The following RNF213 variants were observed in gnomAD, a reference collection of about 807,000 sequenced individuals.
The protein encoded by RNF213 is E3 ubiquitin-protein ligase RNF213.
In RNF213, 341 loss-of-function variants were observed where a neutral mutation model predicts 514.4. That is an observed-to-expected ratio of 0.66 (90% confidence interval 0.61 to 0.73). RNF213 has a LOEUF of 0.73. Among genes scored for constraint, RNF213 ranks in the 30% least tolerant of loss-of-function variants. RNF213 has a pLI of 0.00. For missense variants in RNF213, 5,767 were observed against 6,615.6 expected (o/e 0.87, Z 4.45); for synonymous variants, 2,655 against 2,658.2 (o/e 1.00, Z 0.04).
intron 59 of RNF213, chr17:80,384,735 C>T (rs2080164756): frequency 1.9e-5 from 8 of 425,650 alleles, no homozygotes; most frequent in South Asian, 1.7e-4. Context: ...TCTCCGTACC[C>T]AGCCAGTTAC....
At chr17:80,301,133 T>C (rs183681447) in intron 11 of RNF213, among the ~76,000 whole-genome samples, 2 of 152,350 alleles carry the variant, frequency 1.3e-5, no homozygotes, top group African/African-American at 4.8e-5. Flanking sequence ...GTGCAAAAGC[T>C]CCTCAGTTTA....
Position 80,340,297 on chromosome 17 carries a change from C to G in RNF213, c.5930C>G (p.Ala1977Gly), listed in dbSNP as rs2144069875. 1 of 1,613,904 alleles carries G rather than the reference C, an allele frequency of 6.2e-7. No individual in the cohort carries two copies. Among genetic ancestry groups the G allele is most frequent in the South Asian group, 1.1e-5 (1 of 91,074 alleles). The change falls in exon 26 of 68, where the codon GCA becomes GGA. Residue 1977 changes from alanine (A) to glycine (G), a missense_variant. Physicochemically the swap from Ala to Gly is moderately conservative, Grantham distance 60. This residue lies in a region of RNF213 where 1,377 missense variants were observed against 1,635.2 expected (regional missense o/e 0.84). Transcript: ENST00000582970. ...YRVPKQTLSAAAVFNDRLCVG... is the reference protein window; with the variant it reads ...YRVPKQTLSAGAVFNDRLCVG... Reference sequence around the variant, plus strand: ...GTCCCGAAGCAGACCCTGTCGGCGGCAGCCGTGTTCAATGACCGGCTGTGT... The same window carrying G: ...GTCCCGAAGCAGACCCTGTCGGCGGGAGCCGTGTTCAATGACCGGCTGTGT...
chr17:80,364,662 G>A (rs1167527948), intron 42 of RNF213, 109 bp downstream of exon 42: 21 of 1,362,652 alleles, frequency 1.5e-5, no homozygotes, highest in Non-Finnish European at 1.7e-5. Context: ...GGCTCTGACC[G>A]TTTTGTCTAG....
chr17:80,378,650 A>C (rs1414407598), intron 54 of RNF213, among the ~76,000 whole-genome samples: 1 of 152,144 alleles, frequency 6.6e-6, no homozygotes, highest in South Asian at 2.1e-4. Flanking sequence ...TATAAGAGAT[A>C]CGGAGGGAGA....
Position 80,348,289 on chromosome 17 carries a change from G to A in RNF213, c.9951+3G>A, listed in dbSNP as rs748337407. On this transcript the variant is annotated splice_donor_region_variant and intron_variant, in intron 29 of 67. Coordinates refer to ENST00000582970, the MANE Select transcript of RNF213 (RefSeq NM_001256071.3). Reference sequence around the variant, plus strand: ...AGCGCCACGCCATCTTCACAGAGGTGATTGTCTTTCTGCACTTGTACCCTA... The same window carrying A: ...AGCGCCACGCCATCTTCACAGAGGTAATTGTCTTTCTGCACTTGTACCCTA... 2 of 1,611,042 alleles carry A rather than the reference G, an allele frequency of 1.2e-6. No homozygotes were observed. The highest frequency in any genetic ancestry group is 2.7e-5 in the African/African-American group (2 of 74,944).
chr17:80,297,904 C>T (rs767602309), intron 10 of RNF213, among the ~76,000 whole-genome samples: 2 of 152,156 alleles, frequency 1.3e-5, no homozygotes, highest in East Asian at 3.9e-4. Flanking sequence ...TTATAATGAT[C>T]GCACCACCGC....
Position 80,376,527 on chromosome 17 carries a change from C to T in RNF213, c.13412C>T (p.Ser4471Phe). 2 of 1,614,074 alleles carry T rather than the reference C, an allele frequency of 1.2e-6. No homozygotes were observed. The highest frequency in any genetic ancestry group is 1.7e-6 in the Non-Finnish European group (2 of 1,180,034). Residue 4471 changes from serine to phenylalanine, a missense_variant, in exon 52 of 68, where the codon TCC becomes TTC. Coordinates refer to ENST00000582970, the MANE Select transcript of RNF213 (RefSeq NM_001256071.3). ...LLEPLKNLAFSPATMAHAFLP... is the reference protein window; with the variant it reads ...LLEPLKNLAFFPATMAHAFLP... Reference sequence around the variant, plus strand: ...GAGCCCCTAAAGAATCTGGCCTTCTCCCCAGCCACCATGGCGGTAAGAGTA... The same window carrying T: ...GAGCCCCTAAAGAATCTGGCCTTCTTCCCAGCCACCATGGCGGTAAGAGTA...
Position 80,263,788 on chromosome 17 carries a change from A to T in RNF213, c.97+10A>T, listed in dbSNP as rs1384781356. On this transcript the variant is annotated intron_variant, in intron 2 of 67. Coordinates refer to ENST00000582970, the MANE Select transcript of RNF213 (RefSeq NM_001256071.3). The surrounding 1 kb of genome is among the most constrained non-coding windows in gnomAD (Gnocchi z 4.9). ...GCAGCCCCCATAGCAGGTGAGGCCC[A>T]GGGGTGCTGGTGGAGGCTGGGGCAG... 2 of 1,613,094 alleles carry T rather than the reference A, an allele frequency of 1.2e-6. No individual in the cohort carries two copies. Among genetic ancestry groups the T allele is most frequent in the Non-Finnish European group, 8.5e-7 (1 of 1,179,160 alleles).
chr17:80,380,751 T>A, intron 55 of RNF213, 80 bp from the exon 56 acceptor site: 1 of 1,521,252 alleles, frequency 6.6e-7, no homozygotes, highest in Non-Finnish European at 9.1e-7. Context: ...GCCGTAAGCC[T>A]CACTCCAAGT....
chr17:80,383,061 T>A lies in RNF213; in HGVS notation c.14061T>A (p.Pro4687=). The A allele has an allele frequency of 6.2e-7, 1 of 1,612,248 alleles. No individual in the cohort carries two copies. Among genetic ancestry groups the A allele is most frequent in the South Asian group, 1.1e-5 (1 of 91,034 alleles). ...WEKEIAAVIS[P]ELEHLDKTLP... is the part of the protein sequence containing the mutation. ...AGGAAATCGCAGCTGTGATTTCTCC[T>A]GAACTGGAGGTAAGCAGTAAGTGCT... The change falls in exon 58 of 68, where the codon CCT becomes CCA. Residue 4687 remains proline, a synonymous_variant. Transcript: ENST00000582970.
intron 11 of RNF213, among the ~76,000 whole-genome samples, chr17:80,302,090 T>C (rs998923960): frequency 2.0e-5 from 3 of 152,126 alleles, no homozygotes; most frequent in African/African-American, 7.2e-5. Context: ...GTTGATCTTC[T>C]AGAAGGAGAG....
chr17:80,309,357 G>C (rs927134553), intron 14 of RNF213, among the ~76,000 whole-genome samples, 186 bp downstream of exon 14: 1 of 152,188 alleles, frequency 6.6e-6, no homozygotes, highest in Admixed American at 6.5e-5. Context: ...GGGGGTGTCA[G>C]TGGGCCAGGG....
chr17:80,353,526 C>A lies in RNF213; in HGVS notation c.10438C>A (p.Arg3480=), dbSNP rs148139681. ...TTCGACTGCAGTGGGCTTGGAACAC[C>A]GGGCGGAAGACGGCCATGAGGAGGC... ...GDLPELGLEH[R]AEDGHEEAME... The change falls in exon 34 of 68, where the codon CGG becomes AGG. Residue 3480 remains arginine, a synonymous_variant. Coordinates refer to ENST00000582970, the MANE Select transcript of RNF213 (RefSeq NM_001256071.3). The surrounding 1 kb of genome is among the most constrained non-coding windows in gnomAD (Gnocchi z 5.0). 78 of 1,610,966 alleles carry A rather than the reference C, an allele frequency of 4.8e-5. No homozygotes were observed. The highest frequency in any genetic ancestry group is 6.3e-5 in the Non-Finnish European group (74 of 1,178,556).
At chr17:80,281,350 C>A (rs201506620) in intron 3 of RNF213, among the ~76,000 whole-genome samples, 11 of 126,074 alleles carry the variant, frequency 8.7e-5, no homozygotes, top group Middle Eastern at 4.1e-3. Flanking sequence ...ACACACACAC[C>A]CCACTCACAC....
In RNF213 at chr17:80,385,145, G is replaced by C. The variant is rs112735431; in HGVS notation, c.14429G>C (p.Arg4810Thr). ...NVQQVEYSSIRGFLSKHSSDG... is the reference protein window; with the variant it reads ...NVQQVEYSSITGFLSKHSSDG... Reference sequence around the variant, plus strand: ...CAGCAAGTTGAATACAGCTCCATCAGAGGCTTCCTCAGCAAGCACAGCTCA... The same window carrying C: ...CAGCAAGTTGAATACAGCTCCATCACAGGCTTCCTCAGCAAGCACAGCTCA... Residue 4810 changes from arginine to threonine, a missense_variant, in exon 60 of 68, where the codon AGA (arginine) becomes ACA (threonine). Arg to Thr is a moderately conservative substitution (Grantham distance 71). Coordinates refer to ENST00000582970, the MANE Select transcript of RNF213 (RefSeq NM_001256071.3). 1.9e-6 allele frequency: 3 copies of C among 1,614,200 alleles called. No homozygotes were observed. The highest frequency in any genetic ancestry group is 4.5e-5 in the East Asian group (2 of 44,884).
At position 80,377,314 on chromosome 17, in the gene RNF213, T is replaced by G; in HGVS notation, c.13510+351T>G. 2.5e-6 allele frequency: 1 copy of G among 393,186 alleles called. No individual in the cohort carries two copies. Among genetic ancestry groups the G allele is most frequent in the Non-Finnish European group, 4.7e-6 (1 of 212,260 alleles). 24.4% of individuals were successfully genotyped at this position (393,186 alleles called of 1,614,324 possible). On this transcript the variant is annotated intron_variant, in intron 53 of 67. Transcript: ENST00000582970. This position sits in a 1 kb window ranked among gnomAD's most constrained non-coding sequence, Gnocchi z 4.1. ...CAAAGTTTTTGACACAAAGCTCTTC[T>G]GAAATATATGAAATATAGAACCGGG... is the stretch of plus-strand genomic sequence containing the variant.
chr17:80,316,466 G>A (rs1324757361), intron 15 of RNF213: 3 of 153,144 alleles, frequency 2.0e-5, no homozygotes, highest in Middle Eastern at 3.4e-3. Context: ...GAAAAGAGAT[G>A]TGATAAGTAA....
intron 61 of RNF213, among the ~76,000 whole-genome samples, 188 bp downstream of exon 61, chr17:80,385,809 C>G (rs746712700): frequency 6.6e-6 from 1 of 152,148 alleles, no homozygotes. Flanking sequence ...GCAACCTCTG[C>G]CTCCCGGATT....
intron 37 of RNF213, 61 bp from the exon 38 acceptor site, chr17:80,360,000 A>G (rs2078995464): frequency 2.5e-6 from 4 of 1,575,212 alleles, no homozygotes; most frequent in Non-Finnish European, 3.5e-6. Context: ...GGCAGATCTT[A>G]TCTTGTGTTT....
Sources: gnomAD v4.1 joint callset for allele counts (sites outside exome capture counted in the v4.1 genomes callset) on GRCh38, gnomAD v4.1.1 for gene constraint, gnomAD v4.1.1 regional missense constraint, Gnocchi (gnomAD v3.1) non-coding constraint, MANE v1.5 for transcripts, NCBI Gene and HGNC (gene_info 2026-07-23, HGNC 2026-07-21) for gene names.